The following INPP4B variants were observed in gnomAD, a reference collection of about 807,000 sequenced individuals.
INPP4B encodes the protein inositol polyphosphate-4-phosphatase type II B.
A neutral mutation model predicts 122.5 loss-of-function variants in INPP4B; 55 were observed. That is an observed-to-expected ratio of 0.45 (90% CI 0.36 to 0.56). The LOEUF (loss-of-function observed/expected upper bound fraction) is 0.56, where lower values mean the gene tolerates loss of function less well. Ranked by LOEUF, INPP4B falls within the 20% of genes least tolerant of loss-of-function variation. The pLI is 0.00. For missense variants in INPP4B, 1,000 were observed against 1,097.7 expected, an observed-to-expected ratio of 0.91 and a Z score of 1.26; for synonymous variants, 403 against 388.7, an observed-to-expected ratio of 1.04 and a Z score of -0.43.
At chr4:142,085,578 T>G (rs1776340782) in intron 24 of INPP4B, among the ~76,000 whole-genome samples, 1 of 152,042 alleles carries the variant, frequency 6.6e-6, no homozygotes, top group African/African-American at 2.4e-5. Context: ...AAACCTGGGG[T>G]GAGAACACAG....
intron 1 of INPP4B, among the ~76,000 whole-genome samples, chr4:142,809,735 T>C (rs758824663): frequency 6.6e-6 from 1 of 152,144 alleles, no homozygotes; most frequent in African/African-American, 2.4e-5. Context: ...TGGTCTTTCT[T>C]CCCCTGTTTT....
At chr4:142,758,488 C>G (rs1770822759) in intron 1 of INPP4B, among the ~76,000 whole-genome samples, 1 of 151,982 alleles carries the variant, frequency 6.6e-6, no homozygotes, top group Non-Finnish European at 1.5e-5. Flanking sequence ...CTCCAGAGGC[C>G]CATGACAGTA....
chr4:142,157,204 C>A (rs746759557), intron 17 of INPP4B, among the ~76,000 whole-genome samples: 8 of 152,036 alleles, frequency 5.3e-5, no homozygotes, highest in African/African-American at 9.7e-5. Flanking sequence ...GCTACATTTT[C>A]TTTAGTTTTA....
chr4:142,253,605 G>C (rs948802797), intron 11 of INPP4B, among the ~76,000 whole-genome samples: 9 of 152,306 alleles, frequency 5.9e-5, no homozygotes, highest in Non-Finnish European at 1.0e-4. Context: ...ACGGCACCTG[G>C]AAAATCGGGT....
intron 2 of INPP4B, among the ~76,000 whole-genome samples, chr4:142,651,161 T>C (rs1752882936): frequency 6.6e-6 from 1 of 152,130 alleles, no homozygotes; most frequent in Non-Finnish European, 1.5e-5. Flanking sequence ...AAAAATGTTA[T>C]TTGAAATCAA....
chr4:142,314,074 T>C (rs1372477431), intron 8 of INPP4B, among the ~76,000 whole-genome samples: 1 of 152,192 alleles, frequency 6.6e-6, no homozygotes, highest in Admixed American at 6.5e-5. Context: ...ACTTCTGGTC[T>C]TTTTCCTCCT....
intron 18 of INPP4B, among the ~76,000 whole-genome samples, chr4:142,135,430 T>C (rs1303722583): frequency 7.6e-6 from 1 of 130,978 alleles, no homozygotes; most frequent in South Asian, 2.1e-4. Flanking sequence ...AAGTGAGATA[T>C]TTTATATAAA....
At chr4:142,564,651 A>G (rs2150135105) in intron 2 of INPP4B, among the ~76,000 whole-genome samples, 1 of 152,156 alleles carries the variant, frequency 6.6e-6, no homozygotes, top group Middle Eastern at 3.4e-3. Flanking sequence ...ATAAATTAAG[A>G]TTCAGCAAGT....
At chr4:142,411,140 A>G (rs1254936109) in intron 5 of INPP4B, among the ~76,000 whole-genome samples, 4 of 152,212 alleles carry the variant, frequency 2.6e-5, no homozygotes, top group African/African-American at 9.6e-5. Flanking sequence ...CTTCCAAATG[A>G]GAAACTTACA....
chr4:142,207,699 T>C (rs1843126958), intron 14 of INPP4B, among the ~76,000 whole-genome samples: 1 of 152,128 alleles, frequency 6.6e-6, no homozygotes, highest in South Asian at 2.1e-4. Flanking sequence ...GGACATAATC[T>C]AGGACTTTTG....
rs540628084 is a variant in INPP4B at position 142,033,681 on chromosome 4, T to C, written c.2643-4767A>G. ...GTTCTCCATTTCATTTTTTTTTTTT[T>C]TTTTTGAGACAGGTTCTCTGTCACC... is the stretch of plus-strand genomic sequence containing the variant. On this transcript the variant is annotated intron_variant, in intron 25 of 25. Coordinates refer to ENST00000262992, the MANE Select transcript of INPP4B (RefSeq NM_001101669.3). Among the ~76,000 whole-genome samples the C allele has an allele frequency of 1.9e-4, 29 of 151,204 alleles. 1 individual carries two copies. The highest frequency in any genetic ancestry group is 6.8e-4 in the African/African-American group (28 of 41,126).
chr4:142,298,683 C>CA (rs386401712), intron 9 of INPP4B, among the ~76,000 whole-genome samples: 42,045 of 66,408 alleles, frequency 0.63, 15,073 homozygotes, highest in East Asian at 0.74. Context: ...GACTCTGTCT[C>CA]AAAAAAAAAA....
intron 7 of INPP4B, among the ~76,000 whole-genome samples, chr4:142,386,045 T>C (rs1009780858): frequency 1.3e-5 from 2 of 152,150 alleles, no homozygotes; most frequent in Non-Finnish European, 2.9e-5. Context: ...CTGCACTTTC[T>C]TCCTCCAGTG....
chr4:142,097,469 C>G (rs1403444731), intron 23 of INPP4B, among the ~76,000 whole-genome samples: 1 of 151,782 alleles, frequency 6.6e-6, no homozygotes, highest in Non-Finnish European at 1.5e-5. Context: ...GTTGACCAGG[C>G]TGGTCTCAAA....
chr4:142,261,556 A>G lies in INPP4B; in HGVS notation c.616-992T>C, dbSNP rs145776794. Reference sequence around the variant, plus strand: ...CTAAGGGAACCAGCCATCCTTCTGTAAGTTTTGCATGGCTCTGCTCAAGGG... The same window carrying G: ...CTAAGGGAACCAGCCATCCTTCTGTGAGTTTTGCATGGCTCTGCTCAAGGG... On this transcript the variant is annotated intron_variant, in intron 10 of 25. Transcript: ENST00000262992. 2.1e-3 allele frequency among the ~76,000 whole-genome samples: 323 copies of G among 152,240 alleles called. 2 individuals carry two copies. The highest frequency in any genetic ancestry group is 4.1e-3 in the Non-Finnish European group (280 of 67,996).
chr4:142,305,202 A>G (rs1762890568), intron 9 of INPP4B, among the ~76,000 whole-genome samples: 1 of 152,230 alleles, frequency 6.6e-6, no homozygotes, highest in South Asian at 2.1e-4. Flanking sequence ...CTTTCAAAGA[A>G]TTTCATCACT....
At position 142,023,761 on chromosome 4, in the gene INPP4B, T is replaced by C. The variant is rs1736179785; in HGVS notation, c.*5021A>G. ...TTTCTTCCTAAAGAACTGTATTTAC[T>C]AAAATATATTTTTTTTGGCAAGATG... is the stretch of plus-strand genomic sequence containing the variant. On this transcript the variant is annotated 3_prime_UTR_variant, in exon 26 of 26. Transcript: ENST00000262992. 1 of 152,170 alleles carries C rather than the reference T, an allele frequency of 6.6e-6. No individual in the cohort carries two copies. Among genetic ancestry groups the C allele is most frequent in the Non-Finnish European group, 1.5e-5 (1 of 67,996 alleles). 9.4% of individuals were successfully genotyped at this position (152,170 alleles called of 1,614,324 possible).
intron 2 of INPP4B, among the ~76,000 whole-genome samples, chr4:142,578,011 G>C (rs1329759580): frequency 6.6e-6 from 1 of 151,920 alleles, no homozygotes; most frequent in African/African-American, 2.4e-5. Flanking sequence ...AATTTCTGTT[G>C]GTTGGAAGAA....
At chr4:142,594,574 G>T (rs1738252723) in intron 2 of INPP4B, among the ~76,000 whole-genome samples, 1 of 152,248 alleles carries the variant, frequency 6.6e-6, no homozygotes, top group South Asian at 2.1e-4. Flanking sequence ...TGACTTTGGG[G>T]AGCTAGACCA....
Sources: gnomAD v4.1 joint callset for allele counts (sites outside exome capture counted in the v4.1 genomes callset) on GRCh38, gnomAD v4.1.1 for gene constraint, MANE v1.5 for transcripts, NCBI Gene and HGNC (gene_info 2026-07-23, HGNC 2026-07-21) for gene names.